The following KAZN variants were observed in gnomAD, a reference collection of about 807,000 sequenced individuals.
KAZN encodes kazrin, periplakin interacting protein, also known as kazrin.
Under a neutral mutation model 87.4 loss-of-function variants are expected in KAZN, and 40 were observed. The ratio of observed to expected loss-of-function variants is 0.46; its 90% CI spans 0.36 to 0.60. The LOEUF (loss-of-function observed/expected upper bound fraction) is 0.60. Among genes scored for constraint, KAZN ranks in the 20% least tolerant of loss-of-function variants. KAZN has a pLI of 0.00. For synonymous variants in KAZN, 466 were observed against 458.3 expected (o/e 1.02, Z -0.22); for missense variants, 898 against 1,073.9 (o/e 0.84, Z 2.29).
chr1:13,941,674 G>C (rs1640932909), intron 1 of KAZN, among the ~76,000 whole-genome samples: 1 of 152,166 alleles, frequency 6.6e-6, no homozygotes, highest in Admixed American at 6.5e-5. Flanking sequence ...TCTGTTAATG[G>C]AAGAGAAACT....
At chr1:14,173,706 G>C (rs1338081971) in intron 1 of KAZN, among the ~76,000 whole-genome samples, 1 of 131,782 alleles carries the variant, frequency 7.6e-6, no homozygotes, top group African/African-American at 2.8e-5. Context: ...TTTCTCAATA[G>C]TTCCATCAAA....
At chr1:15,007,071 AAAAAAAGAAAAAC>A (rs1482863051) in intron 2 of KAZN, among the ~76,000 whole-genome samples, 302 of 151,034 alleles carry the variant, frequency 2.0e-3, no homozygotes, top group South Asian at 6.6e-3. Flanking sequence ...AAAAAAAAAA[AAAAAAAGAAAAAC>A]AGAAAATTCC....
At chr1:14,908,046 T>G (rs1360342752) in intron 1 of KAZN, among the ~76,000 whole-genome samples, 1 of 152,166 alleles carries the variant, frequency 6.6e-6, no homozygotes, top group Non-Finnish European at 1.5e-5. Context: ...TTCCTTTGTG[T>G]ATTCTTGAGG....
chr1:14,760,141 C>T (rs1644698406), intron 1 of KAZN, among the ~76,000 whole-genome samples: 1 of 152,080 alleles, frequency 6.6e-6, no homozygotes, highest in Non-Finnish European at 1.5e-5. Flanking sequence ...CACAACTTTG[C>T]CTGAAACCAA....
chr1:14,333,069 A>G (rs1656967877), intron 2 of KAZN, among the ~76,000 whole-genome samples: 1 of 151,948 alleles, frequency 6.6e-6, no homozygotes, highest in African/African-American at 2.4e-5. Flanking sequence ...CTGGTGTGTG[A>G]TGTTCCCCTC....
At chr1:14,438,866 G>A (rs1014887541) in intron 2 of KAZN, among the ~76,000 whole-genome samples, 2 of 152,170 alleles carry the variant, frequency 1.3e-5, no homozygotes, top group African/African-American at 2.4e-5. Context: ...AGTTTCCTCC[G>A]GTACCTGCTG....
intron 2 of KAZN, among the ~76,000 whole-genome samples, chr1:14,553,342 G>C (rs187976981): frequency 3.3e-5 from 5 of 152,266 alleles, no homozygotes; most frequent in African/African-American, 1.2e-4. Context: ...GCCTGGGAGA[G>C]AGGGAGACTC....
intron 2 of KAZN, among the ~76,000 whole-genome samples, chr1:14,560,724 G>A (rs182314332): frequency 7.6e-4 from 115 of 152,258 alleles, no homozygotes; most frequent in Non-Finnish European, 1.2e-3. Flanking sequence ...TGATAATGAT[G>A]ATGTGAAGAA....
At chr1:15,027,916 G>A (rs919323865) in intron 2 of KAZN, among the ~76,000 whole-genome samples, 5 of 152,236 alleles carry the variant, frequency 3.3e-5, no homozygotes, top group Non-Finnish European at 5.9e-5. Flanking sequence ...GCCAGAGAAG[G>A]AAGAAAGGTC....
rs1357334253 is a variant in KAZN at position 14,343,063 on chromosome 1, C to T, written c.249+162471C>T. 1.2e-4 allele frequency among the ~76,000 whole-genome samples: 19 copies of T among 152,258 alleles called. 1 individual carries two copies. The South Asian group carries it at 3.7e-3, about 30-fold the overall frequency. On this transcript the variant is annotated intron_variant, in intron 2 of 16. Coordinates refer to the KAZN transcript ENST00000636203. ...GGCTGAGGCAGGAGAATCACTTGAA[C>T]CCGGGAGGCGGAGGTTGCAGTGCAG... is the stretch of plus-strand genomic sequence containing the variant.
Position 14,796,263 on chromosome 1 carries a change from C to G in KAZN, c.227-164421C>G, listed in dbSNP as rs975804134. Among the ~76,000 whole-genome samples the G allele has an allele frequency of 2.0e-5, 3 of 152,328 alleles. No homozygotes were observed. In the South Asian group the frequency reaches 6.2e-4, roughly 32 times the overall value. On this transcript the variant is annotated intron_variant, in intron 1 of 14. Coordinates refer to ENST00000376030, the MANE Select transcript of KAZN (RefSeq NM_201628.3). ...AATCCAGGGCTGGGCATGGTCCTCT[C>G]AGGCACCCTCTCCCCACCCACACCC...
At chr1:14,859,389 A>G (rs3888033) in intron 1 of KAZN, among the ~76,000 whole-genome samples, 75,202 of 151,958 alleles carry the variant, frequency 0.49, 20,771 homozygotes, top group African/African-American at 0.74. Flanking sequence ...ACGGTCACGC[A>G]GCAGGAAGTG....
intron 2 of KAZN, among the ~76,000 whole-genome samples, chr1:14,375,142 G>A (rs539998736): frequency 1.3e-4 from 20 of 152,202 alleles, no homozygotes; most frequent in East Asian, 7.7e-4. Context: ...GTATTTTAGC[G>A]TCTATTAACT....
chr1:14,864,620 C>A (rs1651244444), intron 1 of KAZN, among the ~76,000 whole-genome samples: 1 of 152,102 alleles, frequency 6.6e-6, no homozygotes, highest in Non-Finnish European at 1.5e-5. Flanking sequence ...GTGGGACGGA[C>A]ACAGCCCTAA....
At chr1:14,729,875 T>C (rs536436389) in intron 1 of KAZN, among the ~76,000 whole-genome samples, 1 of 152,306 alleles carries the variant, frequency 6.6e-6, no homozygotes, top group East Asian at 1.9e-4. Context: ...AAAAGAGGCA[T>C]ATCTACCTAT....
intron 1 of KAZN, among the ~76,000 whole-genome samples, chr1:14,040,972 C>T (rs999978464): frequency 6.6e-6 from 1 of 151,930 alleles, no homozygotes; most frequent in Non-Finnish European, 1.5e-5. Context: ...TTATTTTAAC[C>T]AAGTAATGCA....
intron 1 of KAZN, among the ~76,000 whole-genome samples, chr1:14,850,155 C>T (rs1171856969): frequency 1.3e-5 from 2 of 152,034 alleles, no homozygotes; most frequent in Middle Eastern, 3.2e-3. Flanking sequence ...AGGATGGTCT[C>T]GATCTCTTGA....
chr1:14,666,160 C>T (rs1330101687), intron 1 of KAZN, among the ~76,000 whole-genome samples: 1 of 152,068 alleles, frequency 6.6e-6, no homozygotes, highest in Non-Finnish European at 1.5e-5. Context: ...GGCCCCCTTT[C>T]CCTGCCGTCT....
chr1:15,051,374 T>A (rs1674387320), intron 4 of KAZN, among the ~76,000 whole-genome samples: 2 of 152,230 alleles, frequency 1.3e-5, no homozygotes, highest in Admixed American at 1.3e-4. Context: ...TGCTGCCATC[T>A]CCCCTTCCTG....
Sources: gnomAD v4.1 joint callset for allele counts (sites outside exome capture counted in the v4.1 genomes callset) on GRCh38, gnomAD v4.1.1 for gene constraint, MANE v1.5 for transcripts, NCBI Gene and HGNC (gene_info 2026-07-23, HGNC 2026-07-21) for gene names.